RARB: variants seen among roughly 807,000 people sequenced by gnomAD.
The protein encoded by RARB is HBV-activated protein.
A neutral mutation model predicts 51.9 loss-of-function variants in RARB; 17 were observed. That is an observed-to-expected ratio of 0.33 (90% CI 0.22 to 0.49). RARB has a LOEUF of 0.49. Among genes scored for constraint, RARB ranks in the 20% least tolerant of loss-of-function variants. RARB has a pLI of 0.99. For missense variants in RARB, 369 were observed against 550.8 expected (o/e 0.67, Z 3.30); for synonymous variants, 215 against 195.4 (o/e 1.10, Z -0.84).
At chr3:24,877,033 G>T (rs940739565) in intron 2 of RARB, among the ~76,000 whole-genome samples, 1 of 152,034 alleles carries the variant, frequency 6.6e-6, no homozygotes, top group East Asian at 1.9e-4. Context: ...GACAATATAT[G>T]TAAATGTATT....
At chr3:25,342,743 G>A (rs889241189) in intron 5 of RARB, among the ~76,000 whole-genome samples, 2 of 152,160 alleles carry the variant, frequency 1.3e-5, no homozygotes, top group African/African-American at 2.4e-5. Context: ...TGCCTTGGTA[G>A]CTAATCTTTT....
chr3:24,878,493 G>A (rs1703093556), intron 2 of RARB, among the ~76,000 whole-genome samples: 1 of 152,074 alleles, frequency 6.6e-6, no homozygotes, highest in Non-Finnish European at 1.5e-5. Context: ...GCTCTGAAAA[G>A]GTAGATGGGG....
intron 5 of RARB, among the ~76,000 whole-genome samples, chr3:25,333,306 A>G (rs1559361110): frequency 6.6e-6 from 1 of 152,244 alleles, no homozygotes; most frequent in Non-Finnish European, 1.5e-5. Context: ...CCAAAACAGC[A>G]TGGTACTGGT....
chr3:25,557,940 C>G (rs958423360), intron 3 of RARB, among the ~76,000 whole-genome samples: 1 of 152,142 alleles, frequency 6.6e-6, no homozygotes, highest in South Asian at 2.1e-4. Flanking sequence ...GGAAAGCACT[C>G]GGTTCTCCCA....
chr3:25,245,193 A>G (rs913922281), intron 5 of RARB, among the ~76,000 whole-genome samples: 5 of 151,938 alleles, frequency 3.3e-5, no homozygotes, highest in African/African-American at 7.2e-5. Context: ...TGAGTCTATG[A>G]GTATCTTTAA....
Position 25,417,260 on chromosome 3 carries a change from T to G in RARB, c.179-43933T>G, listed in dbSNP as rs115409247. On this transcript the variant is annotated intron_variant, in intron 5 of 11. Coordinates refer to the RARB transcript ENST00000383772. ...GAAGTGTGTGAGAATGGAAATTAGC[T>G]GTTCCCTAATTTCCTAATGTTCCCT... is the stretch of plus-strand genomic sequence containing the variant. 4.4e-3 allele frequency among the ~76,000 whole-genome samples: 664 copies of G among 150,864 alleles called. 7 individuals carry two copies. The highest frequency in any genetic ancestry group is 0.016 in the African/African-American group (644 of 41,110).
intron 2 of RARB, among the ~76,000 whole-genome samples, chr3:24,915,329 T>A (rs1316208078): frequency 6.6e-6 from 1 of 152,240 alleles, no homozygotes; most frequent in African/African-American, 2.4e-5. Flanking sequence ...CTTCATATAT[T>A]TGAAATATTT....
At chr3:25,099,799 G>C (rs1299821183) in intron 3 of RARB, among the ~76,000 whole-genome samples, 2 of 152,072 alleles carry the variant, frequency 1.3e-5, no homozygotes, top group African/African-American at 4.8e-5. Flanking sequence ...CATCCCAGAA[G>C]TACTTTTACA....
At chr3:24,992,184 G>C (rs1204644766) in intron 2 of RARB, among the ~76,000 whole-genome samples, 1 of 152,118 alleles carries the variant, frequency 6.6e-6, no homozygotes, top group Non-Finnish European at 1.5e-5. Flanking sequence ...GGAAGAAGTA[G>C]AATTAAGTTA....
At chr3:25,222,088 G>A (rs1208482336) in intron 5 of RARB, among the ~76,000 whole-genome samples, 1 of 152,140 alleles carries the variant, frequency 6.6e-6, no homozygotes, top group Non-Finnish European at 1.5e-5. Flanking sequence ...TCACTGGCGT[G>A]ACCTGTCATT....
At chr3:24,877,098 GATT>G (rs1413902986) in intron 2 of RARB, among the ~76,000 whole-genome samples, 1 of 152,002 alleles carries the variant, frequency 6.6e-6, no homozygotes, top group Admixed American at 6.6e-5. Flanking sequence ...CAAGTTGGAA[GATT>G]ATTTAGTTTA....
At chr3:25,200,558 G>T (rs1216567869) in intron 5 of RARB, among the ~76,000 whole-genome samples, 1 of 152,114 alleles carries the variant, frequency 6.6e-6, no homozygotes, top group African/African-American at 2.4e-5. Context: ...TTTTCTTCTA[G>T]GGTTTTTATG....
At chr3:25,122,620 C>T (rs1699802071) in intron 3 of RARB, among the ~76,000 whole-genome samples, 1 of 152,108 alleles carries the variant, frequency 6.6e-6, no homozygotes, top group African/African-American at 2.4e-5. Context: ...CCATCTGGTA[C>T]TCTGATATCA....
At chr3:25,122,639 A>G (rs1268925014) in intron 3 of RARB, among the ~76,000 whole-genome samples, 1 of 152,120 alleles carries the variant, frequency 6.6e-6, no homozygotes, top group Non-Finnish European at 1.5e-5. Context: ...CACTTTCCTC[A>G]TGTTCTAGCT....
In RARB at chr3:25,235,093, A is replaced by G. The variant is rs183198600; in HGVS notation, c.178+60518A>G. Among the ~76,000 whole-genome samples the G allele has an allele frequency of 1.1e-4, 16 of 152,278 alleles. 1 individual carries two copies. Among genetic ancestry groups the G allele is most frequent in the Admixed American group, 5.9e-4 (9 of 15,284 alleles). ...AGTTCTTACTGTGCATGATCACTAC[A>G]TTGTTCTCCAGCACAGGCCACTAAG... On this transcript the variant is annotated intron_variant, in intron 5 of 11. Transcript: ENST00000383772.
chr3:25,216,743 AT>A (rs1701842523), intron 5 of RARB, among the ~76,000 whole-genome samples: 1 of 151,428 alleles, frequency 6.6e-6, no homozygotes, highest in Admixed American at 6.6e-5. Context: ...ACATATATAT[AT>A]ATCTAGTACA....
intron 2 of RARB, among the ~76,000 whole-genome samples, chr3:25,029,776 G>C (rs1224197495): frequency 6.6e-6 from 1 of 152,170 alleles, no homozygotes; most frequent in Non-Finnish European, 1.5e-5. Flanking sequence ...TTTAGGAATG[G>C]GCAATGAGGG....
chr3:25,097,737 A>C (rs1297515910), intron 3 of RARB, among the ~76,000 whole-genome samples: 1 of 152,016 alleles, frequency 6.6e-6, no homozygotes, highest in Admixed American at 6.6e-5. Context: ...ACTCCAGTTC[A>C]CCTCCTCACT....
At chr3:25,217,626 T>A (rs1231808167) in intron 5 of RARB, among the ~76,000 whole-genome samples, 1 of 152,196 alleles carries the variant, frequency 6.6e-6, no homozygotes, top group African/African-American at 2.4e-5. Flanking sequence ...AGTTACTAGC[T>A]GTGTGACCTT....
Sources: allele counts gnomAD v4.1 joint callset (sites outside exome capture counted in the v4.1 genomes callset), GRCh38; gene constraint gnomAD v4.1.1; transcripts MANE v1.5; gene names NCBI Gene and HGNC (gene_info 2026-07-23, HGNC 2026-07-21).